The following SMCHD1 variants were observed in gnomAD, a reference collection of about 807,000 sequenced individuals.
SMCHD1 encodes structural maintenance of chromosomes flexible hinge domain-containing protein 1.
SMCHD1 carries 78 observed loss-of-function variants against 254.7 expected under a neutral mutation model. The ratio of observed to expected loss-of-function variants is 0.31; its 90% CI spans 0.26 to 0.37. SMCHD1 has a LOEUF of 0.37. Ranked by LOEUF, SMCHD1 falls within the 10% of genes least tolerant of loss-of-function variation. The pLI is 1.00. For missense variants in SMCHD1, 1,840 were observed against 2,408.1 expected, an observed-to-expected ratio of 0.76 and a Z score of 4.94; for synonymous variants, 766 against 794.9, an observed-to-expected ratio of 0.96 and a Z score of 0.61.
chr18:2,759,819 C>G (rs956786171), intron 34 of SMCHD1, among the ~76,000 whole-genome samples: 6 of 152,090 alleles, frequency 3.9e-5, no homozygotes, highest in Non-Finnish European at 7.4e-5. Flanking sequence ...ATCCGCCTGC[C>G]TCAGCCTCCC....
intron 47 of SMCHD1, among the ~76,000 whole-genome samples, chr18:2,799,987 A>T (rs1205901567): frequency 6.6e-6 from 1 of 152,160 alleles, no homozygotes; most frequent in Non-Finnish European, 1.5e-5. Flanking sequence ...TGTCCGAAAA[A>T]TGTCTTCATT....
intron 34 of SMCHD1, among the ~76,000 whole-genome samples, chr18:2,759,756 G>A (rs1323527293): frequency 6.6e-6 from 1 of 151,706 alleles, no homozygotes; most frequent in Non-Finnish European, 1.5e-5. Context: ...TAATAGTAGA[G>A]ATGGGGTTTC....
At chr18:2,721,416 CATAA>C (rs1351843604) in intron 19 of SMCHD1, among the ~76,000 whole-genome samples, 2 of 151,892 alleles carry the variant, frequency 1.3e-5, no homozygotes, top group African/African-American at 4.8e-5. Flanking sequence ...CTTTTTTATA[CATAA>C]ATCTACTGTG....
At chr18:2,732,628 T>A in intron 25 of SMCHD1, 136 bp downstream of exon 25, 1 of 578,896 alleles carries the variant, frequency 1.7e-6, no homozygotes, top group Non-Finnish European at 3.0e-6. Flanking sequence ...TTTCAAATTG[T>A]AAGCAGAATA....
chr18:2,691,101 A>G (rs1474247057), intron 7 of SMCHD1, among the ~76,000 whole-genome samples: 1 of 151,880 alleles, frequency 6.6e-6, no homozygotes, highest in African/African-American at 2.4e-5. Flanking sequence ...TCATTTACTT[A>G]ACAAATTGCA....
At chr18:2,657,067 T>G (rs1323882092) in intron 1 of SMCHD1, among the ~76,000 whole-genome samples, 1 of 152,224 alleles carries the variant, frequency 6.6e-6, no homozygotes, top group African/African-American at 2.4e-5. Flanking sequence ...AATATTGTCA[T>G]GCTCTGAATT....
chr18:2,711,992 C>T (rs1004404410), intron 17 of SMCHD1, among the ~76,000 whole-genome samples: 4 of 152,162 alleles, frequency 2.6e-5, no homozygotes, highest in African/African-American at 7.2e-5. Context: ...CACCTTCCAC[C>T]ATGAGTGGAA....
At position 2,758,203 on chromosome 18, in the gene SMCHD1, G is replaced by A. The variant is rs892972069; in HGVS notation, c.4347-2449G>A. On this transcript the variant is annotated intron_variant, in intron 34 of 47. Transcript: ENST00000320876. ...TTTGGATCTGTTTTGTTTTCTGTATGATCTAACTGTTTTTTCCCTTCTCTT... is the reference window on the plus strand; with the variant it reads ...TTTGGATCTGTTTTGTTTTCTGTATAATCTAACTGTTTTTTCCCTTCTCTT... Among the ~76,000 whole-genome samples, 4 of 151,982 alleles carry A rather than the reference G, an allele frequency of 2.6e-5. 1 individual carries two copies. Among genetic ancestry groups the A allele is most frequent in the Admixed American group, 2.6e-4 (4 of 15,260 alleles).
At chr18:2,777,279 C>T (rs2076084073) in intron 42 of SMCHD1, among the ~76,000 whole-genome samples, 1 of 152,202 alleles carries the variant, frequency 6.6e-6, no homozygotes, top group South Asian at 2.1e-4. Context: ...AGCTCCTCTC[C>T]ACCTATGTTG....
chr18:2,698,853 A>AT (rs5822719), intron 10 of SMCHD1, among the ~76,000 whole-genome samples: 4 of 150,194 alleles, frequency 2.7e-5, no homozygotes, highest in African/African-American at 9.8e-5. Flanking sequence ...GTACTATTTT[A>AT]TTTTTTTTTA....
chr18:2,666,785 A>T, intron 2 of SMCHD1, 85 bp from the exon 3 acceptor site: 3 of 1,090,150 alleles, frequency 2.8e-6, no homozygotes, highest in Non-Finnish European at 3.8e-6. Context: ...GATATTTCAT[A>T]GATAGAATTT....
intron 29 of SMCHD1, 125 bp downstream of exon 29, chr18:2,744,053 A>G (rs1046543452): frequency 1.3e-5 from 10 of 759,466 alleles, no homozygotes; most frequent in Non-Finnish European, 2.0e-5. Flanking sequence ...GTTAACAGTA[A>G]AAATAACAAA....
intron 7 of SMCHD1, among the ~76,000 whole-genome samples, chr18:2,694,278 C>T (rs528141993): frequency 1.1e-4 from 17 of 152,274 alleles, no homozygotes; most frequent in African/African-American, 3.9e-4. Flanking sequence ...ATTCTAAAAT[C>T]GGTTTAGCAT....
At chr18:2,690,953 TAATTGAAA>T (rs1164755514) in intron 7 of SMCHD1, among the ~76,000 whole-genome samples, 3 of 54,232 alleles carry the variant, frequency 5.5e-5, no homozygotes, top group Non-Finnish European at 1.1e-4. Flanking sequence ...GGCCATTTGA[TAATTGAAA>T]AAAAAAAAAA....
intron 37 of SMCHD1, among the ~76,000 whole-genome samples, chr18:2,764,722 TG>T (rs1312594295): frequency 6.6e-6 from 1 of 152,212 alleles, no homozygotes; most frequent in African/African-American, 2.4e-5. Flanking sequence ...TCAAAGTATA[TG>T]GAGTATGTGC....
In SMCHD1 at chr18:2,703,883, GC is replaced by G; in HGVS notation, c.1840del (p.Leu614TrpfsTer15). 6.4e-7 allele frequency: 1 copy of G among 1,568,242 alleles called. No homozygotes were observed. Among genetic ancestry groups the G allele is most frequent in the Non-Finnish European group, 8.6e-7 (1 of 1,162,156 alleles). ...WDGKIYKAGQ[L>X]VKTIKTLPLF... is the part of the protein sequence containing the mutation. Reference sequence around the variant, plus strand: ...ATGGAAAGATATACAAAGCAGGACAGCTGGTAGGTTTAACTTATTGTCACTT... The same window carrying G: ...ATGGAAAGATATACAAAGCAGGACAGTGGTAGGTTTAACTTATTGTCACTT... On this transcript the variant is annotated frameshift_variant and splice_region_variant, in exon 13 of 48. Transcript: ENST00000320876. LOFTEE classifies it high-confidence loss of function.
intron 45 of SMCHD1, among the ~76,000 whole-genome samples, chr18:2,795,615 A>T (rs933557444): frequency 6.6e-5 from 10 of 152,212 alleles, no homozygotes; most frequent in African/African-American, 2.4e-4. Context: ...ATTTGTCCAC[A>T]TGGAATTATA....
intron 25 of SMCHD1, among the ~76,000 whole-genome samples, chr18:2,734,073 C>A (rs902357555): frequency 6.6e-6 from 1 of 152,170 alleles, no homozygotes; most frequent in East Asian, 1.9e-4. Flanking sequence ...GCCACGGGTT[C>A]AACTGACCTG....
intron 20 of SMCHD1, 36 bp downstream of exon 20, chr18:2,722,699 T>TA: frequency 6.4e-7 from 1 of 1,556,238 alleles, no homozygotes; most frequent in Non-Finnish European, 8.7e-7. Flanking sequence ...TGTCCTTTGA[T>TA]ATTTGCTAAG....
Sources: gnomAD v4.1 joint callset for allele counts (sites outside exome capture counted in the v4.1 genomes callset) on GRCh38, gnomAD v4.1.1 for gene constraint, MANE v1.5 for transcripts, NCBI Gene and HGNC (gene_info 2026-07-23, HGNC 2026-07-21) for gene names.